Variants in EPHA7 observed in about 807,000 individuals in gnomAD.
The protein encoded by EPHA7 is ephrin type-A receptor 7.
EPHA7 carries 25 observed loss-of-function variants against 112.6 expected under a neutral mutation model. That is an observed-to-expected ratio of 0.22 (90% CI 0.16 to 0.31). EPHA7 has a LOEUF of 0.31. Among genes scored for constraint, EPHA7 ranks in the 10% least tolerant of loss-of-function variants. The probability of loss-of-function intolerance (pLI) is 1.00; values close to 1 mark genes in which losing one functional copy is unlikely to be tolerated. For synonymous variants in EPHA7, 437 were observed against 406.5 expected (o/e 1.07, Z -0.90); for missense variants, 962 against 1,212.6 (o/e 0.79, Z 3.07).
chr6:93,271,381 C>G (rs1582423104), intron 6 of EPHA7, among the ~76,000 whole-genome samples: 1 of 151,904 alleles, frequency 6.6e-6, no homozygotes, highest in East Asian at 1.9e-4. Flanking sequence ...CTTTAAGCTC[C>G]TATTTTCTAA....
intron 14 of EPHA7, among the ~76,000 whole-genome samples, chr6:93,248,501 A>G (rs1770058987): frequency 6.6e-6 from 1 of 152,150 alleles, no homozygotes; most frequent in African/African-American, 2.4e-5. Flanking sequence ...CTATCAGTTT[A>G]TTAAACTTTT....
At chr6:93,356,647 A>G in intron 5 of EPHA7, 70 bp downstream of exon 5, 3 of 1,364,340 alleles carry the variant, frequency 2.2e-6, no homozygotes, top group Non-Finnish European at 3.0e-6. Flanking sequence ...AACTAACTAA[A>G]TGTTCAAGTA....
intron 5 of EPHA7, among the ~76,000 whole-genome samples, chr6:93,329,047 C>A (rs1582530241): frequency 6.6e-6 from 1 of 151,320 alleles, no homozygotes; most frequent in East Asian, 1.9e-4. Flanking sequence ...CATATACACA[C>A]AAATAACTAA....
intron 5 of EPHA7, among the ~76,000 whole-genome samples, chr6:93,329,627 A>C (rs1005063079): frequency 6.6e-6 from 1 of 151,418 alleles, no homozygotes; most frequent in Admixed American, 6.6e-5. Context: ...TAAAGAATAC[A>C]TTGTATCCAT....
intron 5 of EPHA7, among the ~76,000 whole-genome samples, chr6:93,342,423 G>C (rs1775185709): frequency 6.6e-6 from 1 of 151,798 alleles, no homozygotes; most frequent in Non-Finnish European, 1.5e-5. Context: ...TCAGAAGAGA[G>C]TATCACTCTA....
chr6:93,401,316 T>C (rs1348034626), intron 3 of EPHA7, among the ~76,000 whole-genome samples: 1 of 152,148 alleles, frequency 6.6e-6, no homozygotes, highest in Non-Finnish European at 1.5e-5. Context: ...TCTTTGTTCT[T>C]ATGTCATTCA....
intron 3 of EPHA7, among the ~76,000 whole-genome samples, chr6:93,391,040 C>A (rs886641477): frequency 1.3e-5 from 2 of 151,858 alleles, no homozygotes; most frequent in Non-Finnish European, 2.9e-5. Flanking sequence ...TATTACATTC[C>A]CATCAGTTTA....
In EPHA7 at chr6:93,284,060, T is replaced by C. The variant is rs1278869623; in HGVS notation, c.1325-11638A>G. 2.0e-5 allele frequency among the ~76,000 whole-genome samples: 3 copies of C among 152,352 alleles called. No homozygotes were observed. In the East Asian group the frequency reaches 5.8e-4, roughly 29 times the overall value. The stretch of plus-strand genomic sequence containing the variant: ...ATAGTTCCATATTATACCATTAATT[T>C]ACTCCATCCCAAAGTTCTCAATAAT... On this transcript the variant is annotated intron_variant, in intron 5 of 16. Transcript: ENST00000369303.
rs539777307 is a variant in EPHA7, at chr6:93,241,003, G to A, written c.*2423C>T. Reference sequence around the variant, plus strand: ...TTCTCCCCTTTCCCTGTAAAGAGCTGTAAAAAATTTAAGGCAGATGAGGTA... The same window carrying A: ...TTCTCCCCTTTCCCTGTAAAGAGCTATAAAAAATTTAAGGCAGATGAGGTA... On this transcript the variant is annotated 3_prime_UTR_variant, in exon 17 of 17. Coordinates refer to ENST00000369303, the MANE Select transcript of EPHA7 (RefSeq NM_004440.4). The A allele has an allele frequency of 1.8e-4, 38 of 212,240 alleles. No individual in the cohort carries two copies. The highest frequency in any genetic ancestry group is 1.4e-3 in the Admixed American group (24 of 17,082). The allele number at this position is 212,240 out of a possible 1,614,324, so 13.1% of individuals were successfully genotyped here.
chr6:93,400,173 G>T (rs985719698), intron 3 of EPHA7, among the ~76,000 whole-genome samples: 8 of 151,908 alleles, frequency 5.3e-5, no homozygotes, highest in African/African-American at 1.7e-4. Flanking sequence ...AAATGTAGAA[G>T]ATATTATGAA....
At chr6:93,304,509 G>A (rs1773152591) in intron 5 of EPHA7, among the ~76,000 whole-genome samples, 1 of 151,978 alleles carries the variant, frequency 6.6e-6, no homozygotes. Context: ...ATGCTGTAGG[G>A]AATATAAAAA....
At chr6:93,419,114 G>A (rs2128000069) in intron 1 of EPHA7, 131 bp downstream of exon 1, 2 of 639,316 alleles carry the variant, frequency 3.1e-6, no homozygotes, top group Non-Finnish European at 4.9e-6. Context: ...GCGGTGAGGG[G>A]GCGGGGAGCC....
intron 6 of EPHA7, among the ~76,000 whole-genome samples, chr6:93,271,142 AT>A (rs1352325168): frequency 6.6e-6 from 1 of 151,796 alleles, no homozygotes; most frequent in Non-Finnish European, 1.5e-5. Flanking sequence ...TCTAAAACAC[AT>A]TTGTTGGGAC....
At chr6:93,417,152 T>C (rs1361345116) in intron 1 of EPHA7, among the ~76,000 whole-genome samples, 1 of 152,116 alleles carries the variant, frequency 6.6e-6, no homozygotes, top group African/African-American at 2.4e-5. Flanking sequence ...ACGCGCTCCC[T>C]GTAGCGATGA....
intron 3 of EPHA7, among the ~76,000 whole-genome samples, chr6:93,373,572 G>T (rs1457315617): frequency 6.6e-6 from 1 of 151,986 alleles, no homozygotes; most frequent in African/African-American, 2.4e-5. Flanking sequence ...GATATTTCAT[G>T]GTTTTGCCAG....
intron 1 of EPHA7, among the ~76,000 whole-genome samples, chr6:93,418,331 G>T (rs969638259): frequency 6.6e-6 from 1 of 152,218 alleles, no homozygotes; most frequent in African/African-American, 2.4e-5. Flanking sequence ...AGGCGTATCT[G>T]TAACAGCTTG....
At chr6:93,304,660 G>C (rs1283341222) in intron 5 of EPHA7, among the ~76,000 whole-genome samples, 2 of 152,066 alleles carry the variant, frequency 1.3e-5, no homozygotes, top group Non-Finnish European at 2.9e-5. Context: ...TTTCAACCCA[G>C]AGTTAGATTA....
intron 3 of EPHA7, among the ~76,000 whole-genome samples, chr6:93,404,751 G>GT (rs1778612345): frequency 6.6e-6 from 1 of 151,226 alleles, no homozygotes; most frequent in Admixed American, 6.6e-5. Context: ...GACTAAATTA[G>GT]TAACACCTCC....
intron 5 of EPHA7, among the ~76,000 whole-genome samples, chr6:93,312,974 C>G (rs796685209): frequency 5.3e-5 from 8 of 152,244 alleles, no homozygotes; most frequent in African/African-American, 1.9e-4. Flanking sequence ...TTATAGTCTT[C>G]TACAGGCATG....
Sources: allele counts gnomAD v4.1 joint callset (sites outside exome capture counted in the v4.1 genomes callset), GRCh38; gene constraint gnomAD v4.1.1; transcripts MANE v1.5; gene names NCBI Gene and HGNC (gene_info 2026-07-23, HGNC 2026-07-21).